RBM6: variants seen among roughly 807,000 people sequenced by gnomAD.
RBM6 encodes RNA binding motif protein 6, also known as RNA-binding protein 6.
In RBM6, 23 loss-of-function variants were observed where a neutral mutation model predicts 140.4. The ratio of observed to expected loss-of-function variants is 0.16; its 90% confidence interval spans 0.12 to 0.23. RBM6 has a LOEUF of 0.23. RBM6 is among the 10% of genes least tolerant of loss of function. The pLI is 1.00. For synonymous variants in RBM6, 439 were observed against 475.6 expected (o/e 0.92, Z 1.00); for missense variants, 1,139 against 1,386.7 (o/e 0.82, Z 2.84).
At chr3:49,999,845 G>C (rs547678730) in intron 6 of RBM6, among the ~76,000 whole-genome samples, 46 of 151,820 alleles carry the variant, frequency 3.0e-4, no homozygotes, top group Admixed American at 1.4e-3. Context: ...TGCAAAGAAT[G>C]ATCCTTGATT....
chr3:49,968,250 A>G lies in RBM6; in HGVS notation c.825A>G (p.Gly275=), dbSNP rs1446958208. 1.2e-6 allele frequency: 2 copies of G among 1,614,010 alleles called. No individual in the cohort carries two copies. Among genetic ancestry groups the G allele is most frequent in the African/African-American group, 2.7e-5 (2 of 74,906 alleles). The change falls in exon 3 of 21, where the codon GGA becomes GGG. Residue 275 remains glycine (G), a synonymous_variant. Coordinates refer to ENST00000266022, the MANE Select transcript of RBM6 (RefSeq NM_005777.3). ...AGGATTTTAGGGGCAGAGAGATGGG[A>G]TCTTGTATGGAATTTAAAGATAGGG... ...TDQDFRGREM[G]SCMEFKDREM... is the part of the protein sequence containing the mutation.
chr3:50,061,584 T>TAC lies in RBM6; in HGVS notation c.2439+38_2439+39dup, dbSNP rs1553670223. The TAC allele has an allele frequency of 2.4e-5, 31 of 1,283,188 alleles. No homozygotes were observed. In the African/African-American group the frequency reaches 5.0e-4, roughly 21 times the overall value. 79.5% of individuals were successfully genotyped at this position (1,283,188 alleles called of 1,614,324 possible). On this transcript the variant is annotated intron_variant, in intron 14 of 20. Coordinates refer to ENST00000266022, the MANE Select transcript of RBM6 (RefSeq NM_005777.3). ...GCTTTTTTTTTTTTTTTTTTTTTTT[T>TAC]ACCTCTGTCAATGATTCTTTTGAGA...
At chr3:50,035,263 G>T (rs891920691) in intron 6 of RBM6, among the ~76,000 whole-genome samples, 13 of 152,032 alleles carry the variant, frequency 8.6e-5, no homozygotes, top group Admixed American at 3.9e-4. Flanking sequence ...AGGAAGGAAA[G>T]TACACTTGGA....
At chr3:50,040,221 C>T (rs1209707378) in intron 6 of RBM6, among the ~76,000 whole-genome samples, 8 of 151,786 alleles carry the variant, frequency 5.3e-5, no homozygotes, top group Non-Finnish European at 8.8e-5. Flanking sequence ...CCGAGGTGGG[C>T]AGCTCACGAG....
chr3:50,055,934 G>C (rs1488993197), intron 8 of RBM6, among the ~76,000 whole-genome samples: 1 of 152,158 alleles, frequency 6.6e-6, no homozygotes, highest in Non-Finnish European at 1.5e-5. Context: ...CAGTCCTGTA[G>C]TCATCCCTTA....
intron 5 of RBM6, among the ~76,000 whole-genome samples, chr3:49,994,669 G>GGGGGGTGTGT (rs148704782): frequency 1.3e-5 from 2 of 148,266 alleles, no homozygotes; most frequent in East Asian, 4.0e-4. Context: ...AAGGCTGTGG[G>GGGGGGTGTGT]GTGTGTGTGT....
At chr3:50,006,849 C>T (rs1161643049) in intron 6 of RBM6, among the ~76,000 whole-genome samples, 9 of 150,578 alleles carry the variant, frequency 6.0e-5, no homozygotes, top group Admixed American at 5.3e-4. Flanking sequence ...AGGAGAATGG[C>T]GTGAACTGGG....
At position 49,971,200 on chromosome 3, in the gene RBM6, A is replaced by G. The variant is rs148163568; in HGVS notation, c.1324-859A>G. Among the ~76,000 whole-genome samples, 833 of 145,134 alleles carry G rather than the reference A, an allele frequency of 5.7e-3. 11 individuals are homozygous for G. Among genetic ancestry groups the G allele is most frequent in the African/African-American group, 0.019 (763 of 39,744 alleles). On this transcript the variant is annotated intron_variant, in intron 3 of 20. Coordinates refer to ENST00000266022, the MANE Select transcript of RBM6 (RefSeq NM_005777.3). ...AGAATCCCTTGAACCTGGGAGGCAG[A>G]GGTTGCGGGGAGGCAGAGGTTGCAC...
rs147950190 is a variant in RBM6, at chr3:50,025,292, G to A, written c.1558-22953G>A. On this transcript the variant is annotated intron_variant, in intron 6 of 20. Coordinates refer to ENST00000266022, the MANE Select transcript of RBM6 (RefSeq NM_005777.3). ...ACAAAAATTAGCCAGGTGTGGTGAT[G>A]GGCACCTGTAATCCCAGCTACACAG... Among the ~76,000 whole-genome samples the A allele has an allele frequency of 7.3e-5, 11 of 151,658 alleles. No individual in the cohort carries two copies. In the East Asian group the frequency reaches 2.2e-3, roughly 30 times the overall value.
At position 49,986,010 on chromosome 3, in the gene RBM6, G is replaced by C. The variant is rs2085538987; in HGVS notation, c.1483+10618G>C. ...AAATTATTATTATTATTTTGAGATGGGGTCTCACTTTGTCACCCAGGCTGG... is the reference window on the plus strand; with the variant it reads ...AAATTATTATTATTATTTTGAGATGCGGTCTCACTTTGTCACCCAGGCTGG... On this transcript the variant is annotated intron_variant, in intron 5 of 20. Coordinates refer to ENST00000266022, the MANE Select transcript of RBM6 (RefSeq NM_005777.3). Among the ~76,000 whole-genome samples, 15 of 151,584 alleles carry C rather than the reference G, an allele frequency of 9.9e-5. No homozygotes were observed. In the South Asian group the frequency reaches 2.9e-3, roughly 30 times the overall value.
At chr3:50,016,638 A>T (rs546889004) in intron 6 of RBM6, among the ~76,000 whole-genome samples, 1 of 152,024 alleles carries the variant, frequency 6.6e-6, no homozygotes, top group African/African-American at 2.4e-5. Flanking sequence ...TATAGTAACC[A>T]TGCTAACAAG....
At chr3:49,943,258 C>G (rs989508303) in intron 1 of RBM6, among the ~76,000 whole-genome samples, 1 of 151,602 alleles carries the variant, frequency 6.6e-6, no homozygotes, top group African/African-American at 2.4e-5. Context: ...GGGTATATAC[C>G]CAGAAGGGAA....
intron 1 of RBM6, among the ~76,000 whole-genome samples, chr3:49,945,881 CAAAAAAAAAAAAAA>C (rs67271820): frequency 1.1e-4 from 7 of 61,924 alleles, no homozygotes; most frequent in East Asian, 1.1e-3. Context: ...GACTCCATCT[CAAAAAAAAAAAAAA>C]AAAAAAAAAA....
chr3:50,043,513 C>T (rs2089044760), intron 6 of RBM6, among the ~76,000 whole-genome samples: 2 of 150,444 alleles, frequency 1.3e-5, no homozygotes, highest in South Asian at 4.2e-4. Context: ...AGATCTATCT[C>T]TCTTCTTTTT....
rs538177847 is a variant in RBM6 at position 50,076,575 on chromosome 3, G to A, written c.3247-433G>A. Among the ~76,000 whole-genome samples, 8 of 149,442 alleles carry A rather than the reference G, an allele frequency of 5.4e-5. No homozygotes were observed. The East Asian group carries it at 1.4e-3, about 27-fold the overall frequency. On this transcript the variant is annotated intron_variant, in intron 20 of 20. Transcript: ENST00000266022. ...TGCACTCCAGCCTGGGTGACAGAGC[G>A]AGACTCTGTCTCAAAAAAAAAATTA...
At position 50,059,663 on chromosome 3, in the gene RBM6, G is replaced by A; in HGVS notation, c.2145G>A (p.Val715=). 6.2e-7 allele frequency: 1 copy of A among 1,613,650 alleles called. No individual in the cohort carries two copies. Among genetic ancestry groups the A allele is most frequent in the Middle Eastern group, 1.7e-4 (1 of 6,060 alleles). ...TGGTTCTATAGGAAGCTCTTCGTGT[G>A]GTGAAGATCTTACAGAACCTTGATC... ...DLDSHAEALR[V]VKILQNLDPP... is the part of the protein sequence containing the mutation. The change falls in exon 11 of 21, where the codon GTG becomes GTA. Residue 715 remains valine (V), a synonymous_variant. Coordinates refer to ENST00000266022, the MANE Select transcript of RBM6 (RefSeq NM_005777.3).
chr3:50,057,510 C>T (rs568277602), intron 8 of RBM6, among the ~76,000 whole-genome samples: 4 of 148,696 alleles, frequency 2.7e-5, no homozygotes, highest in Admixed American at 1.4e-4. Flanking sequence ...ATCGCTTGAA[C>T]CCGGGAGGCA....
intron 5 of RBM6, 114 bp downstream of exon 5, chr3:49,975,506 C>A (rs2085026520): frequency 5.6e-6 from 5 of 897,770 alleles, no homozygotes; most frequent in Non-Finnish European, 8.9e-6. Context: ...TTTCCAGAAG[C>A]CTCCCGTTGG....
chr3:49,944,935 G>C (rs2083423485), intron 1 of RBM6, among the ~76,000 whole-genome samples: 1 of 150,448 alleles, frequency 6.6e-6, no homozygotes, highest in African/African-American at 2.4e-5. Context: ...GGAGTGCAGT[G>C]GCGTGATCTC....
Sources: allele counts gnomAD v4.1 joint callset (sites outside exome capture counted in the v4.1 genomes callset), GRCh38; gene constraint gnomAD v4.1.1; transcripts MANE v1.5; gene names NCBI Gene and HGNC (gene_info 2026-07-23, HGNC 2026-07-21).